The following KMT2D variants were observed in gnomAD, a reference collection of about 807,000 sequenced individuals.
KMT2D encodes the protein lysine methyltransferase 2D.
In KMT2D, 55 loss-of-function variants were observed where a neutral mutation model predicts 512.7. The observed-to-expected ratio is 0.11, with a 90% CI of 0.09 to 0.13. KMT2D has a LOEUF of 0.13. KMT2D is among the 10% of genes least tolerant of loss of function. KMT2D has a pLI of 1.00. For missense variants in KMT2D, 6,061 were observed against 7,127.9 expected, an observed-to-expected ratio of 0.85 and a Z score of 5.39; for synonymous variants, 2,995 against 2,904.0, an observed-to-expected ratio of 1.03 and a Z score of -1.01.
rs369240323 is a variant in KMT2D, at chr12:49,037,420, C to G, written c.9936G>C (p.Gln3312His). ...GGGCACCTGCAAGACCCAGGGAAAGCTGCTGTTGGGACCCAGCCAAACTGG... is the reference window on the plus strand; with the variant it reads ...GGGCACCTGCAAGACCCAGGGAAAGGTGCTGTTGGGACCCAGCCAAACTGG... ...SSPSLAGSQQ[Q>H]LSLGLAGARQ... Residue 3312 changes from glutamine (Q) to histidine (H), a missense_variant, in exon 35 of 55, where the codon CAG becomes CAC. Gln to His is a conservative substitution (Grantham distance 24, BLOSUM62 0). Around this residue, in one of 16 missense-constraint regions of KMT2D, gnomAD observed 533 missense variants for 539.6 expected, o/e 0.99. Transcript: ENST00000301067. The G allele has an allele frequency of 6.3e-7, 1 of 1,599,492 alleles. No individual in the cohort carries two copies. The highest frequency in any genetic ancestry group is 1.7e-5 in the Admixed American group (1 of 57,630).
chr12:49,029,623 T>G, intron 43 of KMT2D, 147 bp from the exon 44 acceptor site: 1 of 624,582 alleles, frequency 1.6e-6, no homozygotes, highest in Non-Finnish European at 2.9e-6. Context: ...GCAAACAAGG[T>G]ATATTTATTG....
At position 49,033,595 on chromosome 12, in the gene KMT2D, G is replaced by A. The variant is rs1387823001; in HGVS notation, c.11110C>T (p.Leu3704Phe). The A allele has an allele frequency of 1.2e-6, 2 of 1,613,600 alleles. No individual in the cohort carries two copies. The highest frequency in any genetic ancestry group is 1.7e-6 in the Non-Finnish European group (2 of 1,179,854). ...GPSGGFFPGN[L>F]ALRSLGPDSR... ...TCAGGTCCGAGGCTTCGAAGAGCAAGGTTGCCAGGGAAGAAGCCCCCTGAA... is the reference window on the plus strand; with the variant it reads ...TCAGGTCCGAGGCTTCGAAGAGCAAAGTTGCCAGGGAAGAAGCCCCCTGAA... The change falls in exon 40 of 55, where the codon CTT becomes TTT. Residue 3704 changes from leucine to phenylalanine, a missense_variant. By Grantham distance (22) the Leu-to-Phe change is conservative. Coordinates refer to ENST00000301067, the MANE Select transcript of KMT2D (RefSeq NM_003482.4).
Position 49,048,018 on chromosome 12 carries a change from G to C in KMT2D, c.4183C>G (p.Leu1395Val). 1 of 1,612,758 alleles carries C rather than the reference G, an allele frequency of 6.2e-7. No individual in the cohort carries two copies. The highest frequency in any genetic ancestry group is 8.5e-7 in the Non-Finnish European group (1 of 1,178,830). ...CACTGAGAGCACTGCGAACAGGCAAGGAGGTGGCCCTCTGCCCCCCGGCCA... is the reference window on the plus strand; with the variant it reads ...CACTGAGAGCACTGCGAACAGGCAACGAGGTGGCCCTCTGCCCCCCGGCCA... ...SFGRGAEGHL[L>V]ACSQCSQCYH... The change falls in exon 15 of 55, where the codon CTT becomes GTT. Residue 1395 changes from leucine (L) to valine (V), a missense_variant. Transcript: ENST00000301067.
chr12:49,021,976 G>A, intron 54 of KMT2D, 67 bp downstream of exon 54: 2 of 1,551,270 alleles, frequency 1.3e-6, no homozygotes, highest in Non-Finnish European at 1.8e-6. Context: ...CACATTTAGG[G>A]AATGGCAGAG....
intron 35 of KMT2D, 60 bp downstream of exon 35, chr12:49,037,065 C>A: frequency 6.6e-7 from 1 of 1,512,830 alleles, no homozygotes; most frequent in Non-Finnish European, 8.9e-7. Flanking sequence ...GCCTCAGTGC[C>A]CATTTAGGGA....
In KMT2D at chr12:49,031,771, A is replaced by G. The variant is rs2120424209; in HGVS notation, c.12934T>C (p.Ser4312Pro). The G allele has an allele frequency of 6.2e-7, 1 of 1,611,740 alleles. No homozygotes were observed. Among genetic ancestry groups the G allele is most frequent in the Non-Finnish European group, 8.5e-7 (1 of 1,178,782 alleles). ...GGTCTCTTTGGCTCTTGAGGGCTGG[A>G]TGGTGGAGGTGTGGGATGGACAGGG... ...LGPVHPTPPP[S>P]SPQEPKRPSQ... The change falls in exon 40 of 55, where the codon TCC (serine) becomes CCC (proline). Residue 4312 changes from serine to proline, a missense_variant. Transcript: ENST00000301067.
chr12:49,040,599 G>A lies in KMT2D; in HGVS notation c.7171C>T (p.Pro2391Ser), dbSNP rs867926600. ...GGCAGAGCACAGCAGCTCTCAGGGG[G>A]CGGAGGTTGGGGCCGAGGAGTCAAT... The part of the protein sequence containing the change: ...PPLTPRPQPP[P>S]PESCCALPPR... Residue 2391 changes from proline (P) to serine (S), a missense_variant, in exon 32 of 55, where the codon CCC becomes TCC. Around this residue, in one of 16 missense-constraint regions of KMT2D, gnomAD observed 710 missense variants for 647.3 expected, o/e 1.10. Transcript: ENST00000301067. 6.2e-7 allele frequency: 1 copy of A among 1,613,588 alleles called. No homozygotes were observed. Among genetic ancestry groups the A allele is most frequent in the Non-Finnish European group, 8.5e-7 (1 of 1,179,716 alleles).
At position 49,040,606 on chromosome 12, in the gene KMT2D, T is replaced by A. The variant is rs1011473911; in HGVS notation, c.7164A>T (p.Gln2388His). ...CACAGCAGCTCTCAGGGGGCGGAGG[T>A]TGGGGCCGAGGAGTCAATGGGGGCT... The part of the protein sequence containing the change: ...YAQPPLTPRP[Q>H]PPPPESCCAL... Residue 2388 changes from glutamine to histidine, a missense_variant, in exon 32 of 55, where the codon CAA becomes CAT. Around this residue, in one of 16 missense-constraint regions of KMT2D, gnomAD observed 710 missense variants for 647.3 expected, o/e 1.10. Transcript: ENST00000301067. 4 of 1,611,434 alleles carry A rather than the reference T, an allele frequency of 2.5e-6. No individual in the cohort carries two copies. Among genetic ancestry groups the A allele is most frequent in the African/African-American group, 2.7e-5 (2 of 74,136 alleles).
At chr12:49,029,726 A>G (rs1039475936) in intron 43 of KMT2D, among the ~76,000 whole-genome samples, 2 of 149,462 alleles carry the variant, frequency 1.3e-5, no homozygotes, top group Admixed American at 1.3e-4. Context: ...ATATTGCCCA[A>G]GCTGGTCTCG....
Position 49,047,990 on chromosome 12 carries a change from T to C in KMT2D, c.4211A>G (p.Tyr1404Cys). The C allele has an allele frequency of 3.1e-6, 5 of 1,613,650 alleles. No homozygotes were observed. Among genetic ancestry groups the C allele is most frequent in the Non-Finnish European group, 4.2e-6 (5 of 1,179,602 alleles). ...LLACSQCSQC[Y>C]HPYCVNSKIT... is the part of the protein sequence containing the mutation. ...CTTGCTGTTGACACAGTAAGGGTGA[T>C]AGCACTGAGAGCACTGCGAACAGGC... The change falls in exon 15 of 55, where the codon TAT becomes TGT. Residue 1404 changes from tyrosine (Y) to cysteine (C), a missense_variant. Tyr to Cys is a radical substitution (Grantham distance 194). Coordinates refer to ENST00000301067, the MANE Select transcript of KMT2D (RefSeq NM_003482.4).
chr12:49,040,332 T>C lies in KMT2D; in HGVS notation c.7438A>G (p.Lys2480Glu). ...PRPQPPEVAF[K>E]AGSLAHTSLG... Reference sequence around the variant, plus strand: ...GAAGTGTGGGCTAGAGACCCAGCCTTAAAGGCAACTTCAGGGGGCTGGGGT... The same window carrying C: ...GAAGTGTGGGCTAGAGACCCAGCCTCAAAGGCAACTTCAGGGGGCTGGGGT... The change falls in exon 32 of 55, where the codon AAG becomes GAG. Residue 2480 changes from lysine to glutamate, a missense_variant. Coordinates refer to ENST00000301067, the MANE Select transcript of KMT2D (RefSeq NM_003482.4). 6.4e-7 allele frequency: 1 copy of C among 1,571,048 alleles called. No individual in the cohort carries two copies.
rs1943666266 is a variant in KMT2D, at chr12:49,043,996, T to C, written c.5191A>G (p.Ile1731Val). 1 of 1,614,006 alleles carries C rather than the reference T, an allele frequency of 6.2e-7. No individual in the cohort carries two copies. The highest frequency in any genetic ancestry group is 8.5e-7 in the Non-Finnish European group (1 of 1,179,886). Residue 1731 changes from isoleucine to valine, a missense_variant and splice_region_variant, in exon 23 of 55, where the codon ATA becomes GTA. Physicochemically the swap from Ile to Val is conservative, Grantham distance 29. Transcript: ENST00000301067. ...LSGDGQPDEV[I>V]PADLPAEGAV... ...CCCTCTGCAGGCAGGTCAGCAGGTATCACTGTGGACAGAACGGAAGTGTCA... is the reference window on the plus strand; with the variant it reads ...CCCTCTGCAGGCAGGTCAGCAGGTACCACTGTGGACAGAACGGAAGTGTCA...
Position 49,032,987 on chromosome 12 carries a change from C to T in KMT2D, c.11718G>A (p.Leu3906=), listed in dbSNP as rs546071648. 3 of 1,550,940 alleles carry T rather than the reference C, an allele frequency of 1.9e-6. No individual in the cohort carries two copies. The highest frequency in any genetic ancestry group is 1.4e-5 in the African/African-American group (1 of 72,920). The change falls in exon 40 of 55, where the codon CTG becomes CTA. Residue 3906 remains leucine (L), a synonymous_variant. Coordinates refer to ENST00000301067, the MANE Select transcript of KMT2D (RefSeq NM_003482.4). ...GCTGCTGAAGTTGCTGTTGCTGTTG[C>T]AGCTGCTGCTGCTGCTGAAGCTGCT... ...SLQQLQQQQQ[L]QQQQQLQQQQ... is the part of the protein sequence containing the mutation.
At chr12:49,045,088 A>C in intron 19 of KMT2D, 123 bp from the exon 20 acceptor site, 1 of 894,186 alleles carries the variant, frequency 1.1e-6, no homozygotes. Flanking sequence ...TTAGGGTCTA[A>C]ATGCTGAGGA....
In KMT2D at chr12:49,027,163, C is replaced by T. The variant is rs1404087769; in HGVS notation, c.14803G>A (p.Glu4935Lys). ...PASPPTEPLV[E>K]LPTEPLAEPP... ...TCAGCCAAGGGTTCGGTGGGAAGTTCAACCAAGGGCTCAGTAGGGGGACTG... is the reference window on the plus strand; with the variant it reads ...TCAGCCAAGGGTTCGGTGGGAAGTTTAACCAAGGGCTCAGTAGGGGGACTG... The change falls in exon 49 of 55, where the codon GAA becomes AAA. Residue 4935 changes from glutamate to lysine, a missense_variant. Glu to Lys is a moderately conservative substitution (Grantham distance 56, BLOSUM62 1). This residue lies in a region of KMT2D where 1,600 missense variants were observed against 1,754.9 expected (regional missense o/e 0.91). Coordinates refer to ENST00000301067, the MANE Select transcript of KMT2D (RefSeq NM_003482.4). The T allele has an allele frequency of 6.4e-7, 1 of 1,553,940 alleles. No homozygotes were observed. Among genetic ancestry groups the T allele is most frequent in the Non-Finnish European group, 8.7e-7 (1 of 1,148,164 alleles).
chr12:49,035,187 T>C (rs565126090), intron 35 of KMT2D, among the ~76,000 whole-genome samples: 1 of 152,334 alleles, frequency 6.6e-6, no homozygotes, highest in East Asian at 1.9e-4. Context: ...ACCTGTGTTA[T>C]TTCACCTCAG....
intron 35 of KMT2D, 83 bp from the exon 36 acceptor site, chr12:49,035,018 T>A (rs2120463500): frequency 6.5e-7 from 1 of 1,547,234 alleles, no homozygotes; most frequent in South Asian, 1.2e-5. Context: ...CATCCTGACT[T>A]CAACCACGCC....
At chr12:49,048,175 C>G in intron 14 of KMT2D, 106 bp from the exon 15 acceptor site, 2 of 717,390 alleles carry the variant, frequency 2.8e-6, no homozygotes, top group East Asian at 2.6e-5. Flanking sequence ...GAGTCAGGAA[C>G]CCCATCCCAC....
chr12:49,034,776 GA>G (rs2120459593), intron 36 of KMT2D, 35 bp downstream of exon 36: 1 of 1,608,398 alleles, frequency 6.2e-7, no homozygotes, highest in Admixed American at 1.7e-5. Context: ...GACTGGGAAA[GA>G]AAAGGGCCAA....
Sources: gnomAD v4.1 joint callset for allele counts (sites outside exome capture counted in the v4.1 genomes callset) on GRCh38, gnomAD v4.1.1 for gene constraint, gnomAD v4.1.1 regional missense constraint, MANE v1.5 for transcripts, NCBI Gene and HGNC (gene_info 2026-07-23, HGNC 2026-07-21) for gene names.